The following CRY1 variants were observed in gnomAD, a reference collection of about 807,000 sequenced individuals.
The protein encoded by CRY1 is cryptochrome circadian regulator 1, also known as cryptochrome-1.
In CRY1, 45 loss-of-function variants were observed where a neutral mutation model predicts 76.0. The observed-to-expected ratio is 0.59, with a 90% CI of 0.47 to 0.76. CRY1 has a LOEUF of 0.76. CRY1 is among the 30% of genes least tolerant of loss of function. CRY1 has a pLI of 0.00. For synonymous variants in CRY1, 248 were observed against 244.0 expected (o/e 1.02, Z -0.15); for missense variants, 587 against 716.4 (o/e 0.82, Z 2.06).
At chr12:107,065,556 T>C (rs982038390) in intron 1 of CRY1, among the ~76,000 whole-genome samples, 1 of 151,812 alleles carries the variant, frequency 6.6e-6, no homozygotes, top group Non-Finnish European at 1.5e-5. Context: ...GATTGCGCCA[T>C]TGCACTCCAG....
rs185612124 is a variant in CRY1 at position 106,991,935 on chromosome 12, A to C, written c.*67T>G. 1.3e-5 allele frequency: 2 copies of C among 152,664 alleles called. No individual in the cohort carries two copies. Among genetic ancestry groups the C allele is most frequent in the East Asian group, 3.9e-4 (2 of 5,190 alleles). The allele number at this position is 152,664 out of a possible 1,614,324, so 9.5% of individuals were successfully genotyped here. On this transcript the variant is annotated 3_prime_UTR_variant, in exon 13 of 13. Transcript: ENST00000008527. Reference sequence around the variant, plus strand: ...CCATCAATGAAGAATATTTTTAAATAACTTAATTGAAAAGTATTGAACTCC... The same window carrying C: ...CCATCAATGAAGAATATTTTTAAATCACTTAATTGAAAAGTATTGAACTCC...
At chr12:107,054,030 T>G (rs1199809588) in intron 1 of CRY1, among the ~76,000 whole-genome samples, 1 of 152,116 alleles carries the variant, frequency 6.6e-6, no homozygotes, top group Non-Finnish European at 1.5e-5. Flanking sequence ...TTCTAAAAGA[T>G]ACATCTGAGA....
chr12:107,005,086 A>T lies in CRY1; in HGVS notation c.410+20T>A. On this transcript the variant is annotated intron_variant, in intron 3 of 12. Transcript: ENST00000008527. Reference sequence around the variant, plus strand: ...ATGTTATACGCATTTTCCCACAGTAAAAAAAAAAAAAGGACTCACTTGTCT... The same window carrying T: ...ATGTTATACGCATTTTCCCACAGTATAAAAAAAAAAAGGACTCACTTGTCT... 2 of 800,604 alleles carry T rather than the reference A, an allele frequency of 2.5e-6. No homozygotes were observed. Among genetic ancestry groups the T allele is most frequent in the South Asian group, 3.0e-5 (1 of 33,232 alleles). 49.6% of individuals were successfully genotyped at this position (800,604 alleles called of 1,614,324 possible). A position where few individuals can be genotyped will look rare whatever the true frequency, so the allele number is the denominator to read the frequency against.
intron 1 of CRY1, among the ~76,000 whole-genome samples, chr12:107,061,587 G>A (rs1953048173): frequency 6.6e-6 from 1 of 151,856 alleles, no homozygotes; most frequent in Admixed American, 6.6e-5. Flanking sequence ...TCACCATGTT[G>A]GCCAGGCTGG....
At chr12:107,036,106 G>A (rs1367983063) in intron 1 of CRY1, among the ~76,000 whole-genome samples, 1 of 152,170 alleles carries the variant, frequency 6.6e-6, no homozygotes, top group African/African-American at 2.4e-5. Context: ...CCACAGTAGG[G>A]GAAGAACTGG....
intron 1 of CRY1, among the ~76,000 whole-genome samples, chr12:107,054,887 T>A (rs1166924565): frequency 6.6e-6 from 1 of 152,110 alleles, no homozygotes; most frequent in Admixed American, 6.6e-5. Flanking sequence ...ATATTTAATT[T>A]TAGCATTTCA....
chr12:107,041,191 C>T (rs76868869), intron 1 of CRY1, among the ~76,000 whole-genome samples: 4,070 of 151,786 alleles, frequency 0.027, 67 homozygotes, highest in African/African-American at 0.053. Context: ...AACATTTGGG[C>T]GTTTACTCAG....
intron 10 of CRY1, among the ~76,000 whole-genome samples, chr12:106,994,687 T>C (rs781309058): frequency 1.3e-5 from 2 of 152,230 alleles, no homozygotes; most frequent in Non-Finnish European, 2.9e-5. Context: ...TAATTCCAAA[T>C]AAACGACACA....
At chr12:107,009,597 TATATAA>T (rs1241607529) in intron 2 of CRY1, among the ~76,000 whole-genome samples, 2,058 of 22,124 alleles carry the variant, frequency 0.093, 65 homozygotes, top group East Asian at 0.21. Flanking sequence ...TATATATATA[TATATAA>T]AATCTCTATA....
chr12:107,086,810 T>G (rs1482685460), intron 1 of CRY1, among the ~76,000 whole-genome samples: 1 of 151,912 alleles, frequency 6.6e-6, no homozygotes, highest in South Asian at 2.1e-4. Context: ...TACAGAGAGA[T>G]TCTACTAGGC....
intron 1 of CRY1, among the ~76,000 whole-genome samples, chr12:107,080,560 CT>C (rs1371310635): frequency 6.6e-6 from 1 of 151,712 alleles, no homozygotes; most frequent in Non-Finnish European, 1.5e-5. Flanking sequence ...AGGAAGAACA[CT>C]AATAGCGCTG....
intron 1 of CRY1, among the ~76,000 whole-genome samples, chr12:107,046,511 G>A (rs1952850924): frequency 6.6e-6 from 1 of 152,088 alleles, no homozygotes; most frequent in South Asian, 2.1e-4. Context: ...CTAACAAAGT[G>A]ACAGGAATAA....
Position 107,093,022 on chromosome 12 carries a change from C to T in CRY1, c.-61G>A, listed in dbSNP as rs1486421554. ...CAAGGAAGGAGGCTCCGGCTCATAG[C>T]CGACACCTTCGCTTCCAAGAGAATT... On this transcript the variant is annotated 5_prime_UTR_variant, in exon 1 of 13. Transcript: ENST00000008527. The T allele has an allele frequency of 8.3e-6, 12 of 1,445,904 alleles. No individual in the cohort carries two copies. The Admixed American group carries it at 1.9e-4, about 23-fold the overall frequency. The allele number at this position is 1,445,904 out of a possible 1,614,324, so 89.6% of individuals were successfully genotyped here. A position where few individuals can be genotyped will look rare whatever the true frequency, so the allele number is the denominator to read the frequency against.
intron 1 of CRY1, among the ~76,000 whole-genome samples, chr12:107,050,979 A>T (rs961996579): frequency 2.0e-5 from 3 of 152,200 alleles, no homozygotes; most frequent in Non-Finnish European, 4.4e-5. Context: ...CTCTAGAAAA[A>T]AGAAAATAAT....
intron 1 of CRY1, among the ~76,000 whole-genome samples, chr12:107,062,019 C>T (rs1953053174): frequency 7.8e-6 from 1 of 128,556 alleles, no homozygotes; most frequent in Admixed American, 8.2e-5. Flanking sequence ...GAGCAAGACC[C>T]TGTCTCAAAA....
rs142536315 is a variant in CRY1 at position 106,996,178 on chromosome 12, T to C, written c.1585+1116A>G. Among the ~76,000 whole-genome samples the C allele has an allele frequency of 7.2e-5, 11 of 152,308 alleles. No homozygotes were observed. In the East Asian group the frequency reaches 2.1e-3, roughly 29 times the overall value. On this transcript the variant is annotated intron_variant, in intron 10 of 12. Transcript: ENST00000008527. ...GTGTTGTTCTCCGCATGTATCCATG[T>C]GTTCTCATCATTCTACTTCCACTTA...
intron 1 of CRY1, among the ~76,000 whole-genome samples, chr12:107,032,824 T>C (rs1952694136): frequency 6.6e-6 from 1 of 152,214 alleles, no homozygotes; most frequent in South Asian, 2.1e-4. Flanking sequence ...GTATCATTTA[T>C]ATGTTTTGAA....
chr12:107,067,711 G>T (rs1339740218), intron 1 of CRY1, among the ~76,000 whole-genome samples: 2 of 152,250 alleles, frequency 1.3e-5, no homozygotes, highest in South Asian at 4.1e-4. Flanking sequence ...GCAGATTAAT[G>T]GGGGGAAGAA....
At chr12:107,077,859 AC>A (rs796464137) in intron 1 of CRY1, among the ~76,000 whole-genome samples, 7 of 152,086 alleles carry the variant, frequency 4.6e-5, no homozygotes, top group African/African-American at 1.7e-4. Context: ...ACCTTTGTTA[AC>A]ATCCTATACA....
Sources: gnomAD v4.1 joint callset for allele counts (sites outside exome capture counted in the v4.1 genomes callset) on GRCh38, gnomAD v4.1.1 for gene constraint, MANE v1.5 for transcripts, NCBI Gene and HGNC (gene_info 2026-07-23, HGNC 2026-07-21) for gene names.